Variants in NMNAT3 observed in about 807,000 individuals in gnomAD.
The protein encoded by NMNAT3 is nicotinamide/nicotinic acid mononucleotide adenylyltransferase 3.
A neutral mutation model predicts 24.8 loss-of-function variants in NMNAT3; 21 were observed. The ratio of observed to expected loss-of-function variants is 0.85; its 90% CI spans 0.60 to 1.22. NMNAT3 has a LOEUF of 1.22. NMNAT3 is among the 50% of genes most tolerant of loss of function. The pLI, the probability that NMNAT3 is intolerant of heterozygous loss-of-function variation, is 0.00. For missense variants in NMNAT3, 387 were observed against 436.6 expected, an observed-to-expected ratio of 0.89 and a Z score of 1.01; for synonymous variants, 136 against 155.2, an observed-to-expected ratio of 0.88 and a Z score of 0.92.
intron 3 of NMNAT3, among the ~76,000 whole-genome samples, chr3:139,625,710 T>C (rs2056020709): frequency 6.6e-6 from 1 of 152,200 alleles, no homozygotes; most frequent in Admixed American, 6.5e-5. Flanking sequence ...AGAAATCTTA[T>C]ATAATTGCCC....
chr3:139,607,809 A>G (rs1010996070), intron 3 of NMNAT3, among the ~76,000 whole-genome samples: 1 of 152,140 alleles, frequency 6.6e-6, no homozygotes, highest in Non-Finnish European at 1.5e-5. Context: ...ACCCGTTGTA[A>G]GCCACCAATT....
intron 1 of NMNAT3, among the ~76,000 whole-genome samples, chr3:139,653,997 C>T (rs1350509461): frequency 1.3e-5 from 2 of 152,170 alleles, no homozygotes; most frequent in East Asian, 3.9e-4. Flanking sequence ...CCCCTCTTGT[C>T]CCTCAGTGTC....
intron 6 of NMNAT3, among the ~76,000 whole-genome samples, chr3:139,564,093 C>G (rs1404544183): frequency 6.6e-6 from 1 of 152,334 alleles, no homozygotes; most frequent in East Asian, 1.9e-4. Flanking sequence ...TTTAAATCTG[C>G]TGGTACCCTC....
chr3:139,665,179 C>T (rs1054657587), intron 1 of NMNAT3, among the ~76,000 whole-genome samples: 4 of 152,288 alleles, frequency 2.6e-5, no homozygotes, highest in Middle Eastern at 3.4e-3. Flanking sequence ...GGGATACACC[C>T]TGTACACGAA....
intron 1 of NMNAT3, among the ~76,000 whole-genome samples, chr3:139,639,139 C>G (rs1361530186): frequency 3.3e-5 from 5 of 152,204 alleles, no homozygotes; most frequent in African/African-American, 1.2e-4. Flanking sequence ...ACCTTACTCT[C>G]TATTCATCAC....
intron 6 of NMNAT3, among the ~76,000 whole-genome samples, chr3:139,564,770 C>T (rs140212201): frequency 1.3e-5 from 2 of 152,352 alleles, no homozygotes; most frequent in African/African-American, 4.8e-5. Context: ...CATGCCATCT[C>T]ATCAAAAGCC....
intron 2 of NMNAT3, among the ~76,000 whole-genome samples, chr3:139,630,788 T>C (rs1444757521): frequency 6.6e-6 from 1 of 152,188 alleles, no homozygotes; most frequent in Non-Finnish European, 1.5e-5. Flanking sequence ...GCTAGCTTTT[T>C]CCCAGGGAGG....
intron 3 of NMNAT3, among the ~76,000 whole-genome samples, chr3:139,587,233 T>C (rs1016849647): frequency 6.6e-6 from 1 of 152,098 alleles, no homozygotes; most frequent in African/African-American, 2.4e-5. Context: ...TTGAGAGGAA[T>C]AGTGAAGGAG....
In NMNAT3 at chr3:139,579,010, G is replaced by A. The variant is rs779357593; in HGVS notation, c.437C>T (p.Thr146Ile). The change falls in exon 5 of 7, where the codon ACC becomes ATC. Residue 146 changes from threonine to isoleucine, a missense_variant. Transcript: ENST00000643695. ...AGCTGCGAGGTCTTTCTTCCCATAGGTGTCGTTGACAGGAGAGATGATACC... is the reference window on the plus strand; with the variant it reads ...AGCTGCGAGGTCTTTCTTCCCATAGATGTCGTTGACAGGAGAGATGATACC... 7.4e-6 allele frequency: 12 copies of A among 1,614,158 alleles called. No individual in the cohort carries two copies. The South Asian group carries it at 1.2e-4, about 16-fold the overall frequency.
At chr3:139,646,914 T>C (rs1444464558) in intron 1 of NMNAT3, among the ~76,000 whole-genome samples, 1 of 152,252 alleles carries the variant, frequency 6.6e-6, no homozygotes, top group Non-Finnish European at 1.5e-5. Context: ...TGCTGCTAAA[T>C]GCCTAAGCAG....
intron 3 of NMNAT3, among the ~76,000 whole-genome samples, chr3:139,610,359 G>A (rs2055152106): frequency 6.6e-6 from 1 of 152,066 alleles, no homozygotes; most frequent in South Asian, 2.1e-4. Context: ...GGAAAATGCT[G>A]TTTGTTATTA....
At chr3:139,612,255 G>A (rs7624741) in intron 3 of NMNAT3, among the ~76,000 whole-genome samples, 141,217 of 151,952 alleles carry the variant, frequency 0.93, 66,543 homozygotes, top group East Asian at 1. Flanking sequence ...TCAGGGAACC[G>A]AGTCTAAAAC....
rs150868290 is a variant in NMNAT3, at chr3:139,648,672, C to T, written c.-140-10610G>A. Among the ~76,000 whole-genome samples the T allele has an allele frequency of 1.3e-3, 191 of 152,228 alleles. 1 individual carries two copies. The highest frequency in any genetic ancestry group is 4.4e-3 in the African/African-American group (184 of 41,528). On this transcript the variant is annotated intron_variant, in intron 1 of 6. Coordinates refer to ENST00000643695, the MANE Select transcript of NMNAT3 (RefSeq NM_001320510.2). ...ATTATTAATAAACATGGCCAGATAC[C>T]TGCAAACATATGTCATCAGACTGTC...
Position 139,573,697 on chromosome 3 carries a change from TG to T in NMNAT3, c.576-18del. 6.6e-7 allele frequency: 1 copy of T among 1,508,478 alleles called. No homozygotes were observed. Among genetic ancestry groups the T allele is most frequent in the Non-Finnish European group, 9.0e-7 (1 of 1,107,654 alleles). The allele number at this position is 1,508,478 out of a possible 1,614,324, so 93.4% of individuals were successfully genotyped here. ...TGATGATGCCTGTGTTGTAAACATA[TG>T]GGCTCAGGGTATGTCTGTCCTCCAG... is the stretch of plus-strand genomic sequence containing the variant. On this transcript the variant is annotated intron_variant, in intron 5 of 6. Transcript: ENST00000643695.
chr3:139,656,134 G>C (rs1033825776), intron 1 of NMNAT3, among the ~76,000 whole-genome samples: 1 of 152,192 alleles, frequency 6.6e-6, no homozygotes, highest in African/African-American at 2.4e-5. Context: ...GGGATGGCTG[G>C]GGATGGAGTT....
At chr3:139,616,434 T>C (rs2108274986) in intron 3 of NMNAT3, among the ~76,000 whole-genome samples, 1 of 152,238 alleles carries the variant, frequency 6.6e-6, no homozygotes, top group East Asian at 1.9e-4. Context: ...TCTCTCTCAC[T>C]CTCTCTGTGA....
At chr3:139,590,429 G>C (rs959860702) in intron 3 of NMNAT3, among the ~76,000 whole-genome samples, 1 of 152,148 alleles carries the variant, frequency 6.6e-6, no homozygotes, top group African/African-American at 2.4e-5. Context: ...GTGTGAGAGA[G>C]TGAAATCTTC....
chr3:139,629,935 A>G (rs1298298330), intron 2 of NMNAT3, among the ~76,000 whole-genome samples: 2 of 152,214 alleles, frequency 1.3e-5, no homozygotes, highest in Admixed American at 6.5e-5. Flanking sequence ...TATATCAGTT[A>G]GGGATATATT....
intron 3 of NMNAT3, among the ~76,000 whole-genome samples, chr3:139,620,539 C>T (rs2055720594): frequency 6.6e-6 from 1 of 152,100 alleles, no homozygotes; most frequent in South Asian, 2.1e-4. Flanking sequence ...TATGCATAAA[C>T]CACAATCTGT....
Sources: gnomAD v4.1 joint callset for allele counts (sites outside exome capture counted in the v4.1 genomes callset) on GRCh38, gnomAD v4.1.1 for gene constraint, MANE v1.5 for transcripts, NCBI Gene and HGNC (gene_info 2026-07-23, HGNC 2026-07-21) for gene names.